Variants in CEP104 observed in about 807,000 individuals in gnomAD.
The protein encoded by CEP104 is centrosomal protein of 104 kDa.
In CEP104, 84 loss-of-function variants were observed where a neutral mutation model predicts 113.3. The observed-to-expected ratio is 0.74, with a 90% CI of 0.62 to 0.89. The LOEUF (loss-of-function observed/expected upper bound fraction) is 0.89. CEP104 is among the 40% of genes least tolerant of loss of function. CEP104 has a pLI of 0.00. For synonymous variants in CEP104, 378 were observed against 421.7 expected, an observed-to-expected ratio of 0.90 and a Z score of 1.27; for missense variants, 1,053 against 1,156.6, an observed-to-expected ratio of 0.91 and a Z score of 1.30.
chr1:3,829,935 A>G lies in CEP104; in HGVS notation c.1899T>C (p.Ile633=), dbSNP rs1354299458. The G allele has an allele frequency of 2.5e-6, 4 of 1,614,044 alleles. No homozygotes were observed. The highest frequency in any genetic ancestry group is 3.4e-6 in the Non-Finnish European group (4 of 1,180,040). ...CCTGGTGCTGTCTGTACATGTCCAA[A>G]ATAATTCGAACCGCCGTCTCGCGGA... ...YEVRETAVRI[I]LDMYRQHQAS... Residue 633 remains isoleucine, a synonymous_variant, in exon 14 of 22, where the codon ATT becomes ATC. Coordinates refer to ENST00000378230, the MANE Select transcript of CEP104 (RefSeq NM_014704.4).
chr1:3,848,830 TTTC>T (rs1388666848), intron 2 of CEP104, 49 bp from the exon 3 acceptor site: 1 of 1,489,534 alleles, frequency 6.7e-7, no homozygotes, highest in East Asian at 2.3e-5. Context: ...CTGCAGAGGG[TTTC>T]TAGATGCTAG....
At chr1:3,822,939 G>T (rs992602793) in intron 20 of CEP104, 11 of 519,754 alleles carry the variant, frequency 2.1e-5, no homozygotes, top group Middle Eastern at 5.3e-4. Context: ...CTGGGCCTCA[G>T]TGAGTTGAGG....
intron 13 of CEP104, among the ~76,000 whole-genome samples, 192 bp from the exon 14 acceptor site, chr1:3,830,189 G>T (rs372303936): frequency 6.6e-6 from 1 of 151,820 alleles, no homozygotes; most frequent in Non-Finnish European, 1.5e-5. Flanking sequence ...CTTTCATCAC[G>T]CTTGTTTTGG....
intron 20 of CEP104, 41 bp from the exon 21 acceptor site, chr1:3,816,411 C>T (rs374503961): frequency 1.1e-5 from 17 of 1,486,822 alleles, no homozygotes; most frequent in East Asian, 2.5e-5. Context: ...TCAGGCGAGA[C>T]GGACCTGGCA....
rs983495848 is a variant in CEP104, at chr1:3,836,411, T to C, written c.1317+84A>G. ...AGCCGTGGGCGTTTTCCCTCCTTTA[T>C]GTGTAAGTACACAGAGGTGTGCGTA... On this transcript the variant is annotated intron_variant, in intron 10 of 21. Transcript: ENST00000378230. The C allele has an allele frequency of 9.3e-6, 13 of 1,396,288 alleles. No individual in the cohort carries two copies. In the Admixed American group the frequency reaches 1.5e-4, roughly 16 times the overall value. The allele number at this position is 1,396,288 out of a possible 1,614,324, so 86.5% of individuals were successfully genotyped here.
At chr1:3,816,749 G>A (rs1419576231) in intron 20 of CEP104, among the ~76,000 whole-genome samples, 2 of 152,262 alleles carry the variant, frequency 1.3e-5, no homozygotes, top group African/African-American at 4.8e-5. Flanking sequence ...GCCAGGCACC[G>A]CGGGCTCCCC....
intron 1 of CEP104, among the ~76,000 whole-genome samples, chr1:3,854,551 C>T (rs908514012): frequency 2.0e-5 from 3 of 151,848 alleles, no homozygotes; most frequent in African/African-American, 7.3e-5. Flanking sequence ...TCATTGTAAC[C>T]TCTGTCTCCC....
chr1:3,853,418 G>C (rs893320874), intron 1 of CEP104, among the ~76,000 whole-genome samples: 3 of 150,988 alleles, frequency 2.0e-5, no homozygotes, highest in Non-Finnish European at 4.4e-5. Flanking sequence ...AAAAAAAAAG[G>C]CTCCTCACTA....
intron 10 of CEP104, 141 bp downstream of exon 10, chr1:3,836,354 A>G (rs990352369): frequency 2.3e-6 from 2 of 883,992 alleles, no homozygotes; most frequent in Admixed American, 6.0e-5. Flanking sequence ...TTCAGGAAGA[A>G]CAAAGGGAAG....
At chr1:3,854,109 C>T (rs1557697768) in intron 1 of CEP104, among the ~76,000 whole-genome samples, 1 of 152,158 alleles carries the variant, frequency 6.6e-6, no homozygotes, top group Non-Finnish European at 1.5e-5. Flanking sequence ...GTACTTTTCC[C>T]TTGGCCACAG....
rs747179538 is a variant in CEP104, at chr1:3,835,075, A to C, written c.1335T>G (p.Cys445Trp). ...CATCCTCTCGGTAGGACCACGTCTT[A>C]CAATAGGCCTCAGCAACCTACCACA... ...LGETLVAEAY[C>W]KTWSYREDAL... The change falls in exon 11 of 22, where the codon TGT becomes TGG. Residue 445 changes from cysteine (C) to tryptophan (W), a missense_variant. Cys to Trp is a radical substitution (Grantham distance 215). Transcript: ENST00000378230. The C allele has an allele frequency of 6.2e-7, 1 of 1,613,568 alleles. No homozygotes were observed. The highest frequency in any genetic ancestry group is 8.5e-7 in the Non-Finnish European group (1 of 1,179,742).
intron 20 of CEP104, among the ~76,000 whole-genome samples, chr1:3,816,668 C>T (rs899863094): frequency 2.6e-5 from 4 of 152,264 alleles, no homozygotes; most frequent in African/African-American, 9.6e-5. Context: ...CACAGCAGAG[C>T]GTGCACGCAA....
At chr1:3,828,243 G>T (rs1218697904) in intron 15 of CEP104, among the ~76,000 whole-genome samples, 1 of 152,188 alleles carries the variant, frequency 6.6e-6, no homozygotes, top group Non-Finnish European at 1.5e-5. Flanking sequence ...GTCCTCGTTT[G>T]TGTACTAATC....
chr1:3,849,408 G>C (rs542905379), intron 2 of CEP104, among the ~76,000 whole-genome samples: 1 of 152,170 alleles, frequency 6.6e-6, no homozygotes, highest in East Asian at 1.9e-4. Flanking sequence ...GACCACAGGT[G>C]TGTGCCACTG....
intron 7 of CEP104, 70 bp downstream of exon 7, chr1:3,839,538 T>A: frequency 7.4e-7 from 1 of 1,358,528 alleles, no homozygotes; most frequent in Non-Finnish European, 1.0e-6. Context: ...TTTTACCATG[T>A]AGTTATTCTA....
In CEP104 at chr1:3,848,785, AAAGCAAAC is replaced by A; in HGVS notation, c.114-12_114-5del. ...TTCTTGTGGAAACTGGCAAAATCTG[AAAGCAAAC>A]ACATTTTTATATTTTCTGAACAACT... is the stretch of plus-strand genomic sequence containing the variant. On this transcript the variant is annotated splice_polypyrimidine_tract_variant and splice_region_variant and intron_variant, in intron 2 of 21. Transcript: ENST00000378230. The A allele has an allele frequency of 6.2e-7, 1 of 1,605,224 alleles. No individual in the cohort carries two copies. The highest frequency in any genetic ancestry group is 8.5e-7 in the Non-Finnish European group (1 of 1,177,460).
intron 10 of CEP104, among the ~76,000 whole-genome samples, chr1:3,836,175 G>A (rs7548009): frequency 0.3 from 46,271 of 151,850 alleles, 8,279 homozygotes; most frequent in African/African-American, 0.49. Flanking sequence ...GCGTGGTGGC[G>A]GGCACCTGTA....
Position 3,845,312 on chromosome 1 carries a change from C to A in CEP104, c.466G>T (p.Asp156Tyr). Reference sequence around the variant, plus strand: ...ACAGTATTGCTTTCATCACTGAAATCTGCAGGGTCTCCAATGATATTTATG... The same window carrying A: ...ACAGTATTGCTTTCATCACTGAAATATGCAGGGTCTCCAATGATATTTATG... ...VAINIIGDPA[D>Y]FSDESNTASR... Residue 156 changes from aspartate to tyrosine, a missense_variant, in exon 5 of 22, where the codon GAT becomes TAT. Asp to Tyr is a radical substitution (Grantham distance 160, BLOSUM62 -3). Coordinates refer to ENST00000378230, the MANE Select transcript of CEP104 (RefSeq NM_014704.4). 1 of 1,609,504 alleles carries A rather than the reference C, an allele frequency of 6.2e-7. No homozygotes were observed. Among genetic ancestry groups the A allele is most frequent in the East Asian group, 2.2e-5 (1 of 44,822 alleles).
intron 5 of CEP104, 79 bp downstream of exon 5, chr1:3,845,209 AT>A: frequency 5.7e-6 from 6 of 1,053,710 alleles, no homozygotes; most frequent in Non-Finnish European, 8.6e-6. Context: ...AAAATGACAC[AT>A]TTTTTGGGTG....
Sources: gnomAD v4.1 joint callset for allele counts (sites outside exome capture counted in the v4.1 genomes callset) on GRCh38, gnomAD v4.1.1 for gene constraint, MANE v1.5 for transcripts, NCBI Gene and HGNC (gene_info 2026-07-23, HGNC 2026-07-21) for gene names.